ITGAM: variants seen among roughly 807,000 people sequenced by gnomAD.
ITGAM encodes integrin subunit alpha M, also known as integrin alpha-M.
ITGAM carries 79 observed loss-of-function variants against 137.5 expected under a neutral mutation model. The observed-to-expected ratio is 0.57, with a 90% CI of 0.48 to 0.69. ITGAM has a LOEUF of 0.69. Ranked by LOEUF, ITGAM falls within the 30% of genes least tolerant of loss-of-function variation. ITGAM has a pLI of 0.00. For synonymous variants in ITGAM, 583 were observed against 592.3 expected, an observed-to-expected ratio of 0.98 and a Z score of 0.23; for missense variants, 1,343 against 1,483.5, an observed-to-expected ratio of 0.91 and a Z score of 1.56.
In ITGAM at chr16:31,330,153, G is replaced by GC. The variant is rs778541056; in HGVS notation, c.3054dup (p.Val1019ArgfsTer15). 11 of 1,613,362 alleles carry GC rather than the reference G, an allele frequency of 6.8e-6. No individual in the cohort carries two copies. The South Asian group carries it at 1.2e-4, about 18-fold the overall frequency. On this transcript the variant is annotated frameshift_variant, in exon 26 of 30. Coordinates refer to ENST00000544665, the MANE Select transcript of ITGAM (RefSeq NM_000632.4). LOFTEE classifies it high-confidence loss of function. ...CGACTTTCTGGCTGAGCTTCGGAAG[G>GC]CCCCCGTGGTGGTGAGAAGCTAAGT...
chr16:31,293,759 C>T (rs1003054061), intron 12 of ITGAM, among the ~76,000 whole-genome samples: 2 of 152,054 alleles, frequency 1.3e-5, no homozygotes, highest in African/African-American at 4.8e-5. Flanking sequence ...ATAGTTTTTC[C>T]TAGTTCTGTG....
At position 31,329,915 on chromosome 16, in the gene ITGAM, G is replaced by C; in HGVS notation, c.2976+10G>C. 2 of 1,556,214 alleles carry C rather than the reference G, an allele frequency of 1.3e-6. No individual in the cohort carries two copies. Among genetic ancestry groups the C allele is most frequent in the Non-Finnish European group, 1.7e-6 (2 of 1,149,284 alleles). ...GGTCACCTTCTCCGAGGTGAGCGGAGCTCGGCCTGACTCCTGCACGGCCCT... is the reference window on the plus strand; with the variant it reads ...GGTCACCTTCTCCGAGGTGAGCGGACCTCGGCCTGACTCCTGCACGGCCCT... On this transcript the variant is annotated intron_variant, in intron 25 of 29. Coordinates refer to ENST00000544665, the MANE Select transcript of ITGAM (RefSeq NM_000632.4).
chr16:31,330,207 G>A, intron 26 of ITGAM, 43 bp downstream of exon 26: 1 of 1,600,772 alleles, frequency 6.2e-7, no homozygotes, highest in South Asian at 1.1e-5. Flanking sequence ...GAGACCCAGA[G>A]CGCTTCCCTG....
At chr16:31,261,597 A>G in intron 1 of ITGAM, 95 bp from the exon 2 acceptor site, 1 of 715,732 alleles carries the variant, frequency 1.4e-6, no homozygotes, top group Middle Eastern at 2.5e-4. Context: ...GGCTCAAGTG[A>G]TCCTCCTGCC....
chr16:31,320,633 G>A (rs2080439230), intron 14 of ITGAM, among the ~76,000 whole-genome samples: 1 of 152,130 alleles, frequency 6.6e-6, no homozygotes. Context: ...TAATAATTTT[G>A]CTACTTTTTG....
intron 7 of ITGAM, among the ~76,000 whole-genome samples, chr16:31,272,449 A>G (rs1253254978): frequency 2.5e-4 from 3 of 12,020 alleles, no homozygotes; most frequent in African/African-American, 1.1e-3. Context: ...ATATATATAT[A>G]TATATATATA....
At chr16:31,302,396 T>TTTC (rs1331310583) in intron 14 of ITGAM, among the ~76,000 whole-genome samples, 7,166 of 130,818 alleles carry the variant, frequency 0.055, 347 homozygotes, top group African/African-American at 0.066. Context: ...TTCTTTTTTC[T>TTTC]TTTCTTTTCT....
intron 16 of ITGAM, 36 bp downstream of exon 16, chr16:31,321,663 G>A (rs374369263): frequency 1.1e-5 from 18 of 1,600,626 alleles, no homozygotes; most frequent in Admixed American, 5.1e-5. Flanking sequence ...GAGGTTAAAC[G>A]ACCGAGGACA....
At chr16:31,280,951 C>T (rs904570138) in intron 12 of ITGAM, among the ~76,000 whole-genome samples, 3 of 152,088 alleles carry the variant, frequency 2.0e-5, no homozygotes, top group African/African-American at 4.8e-5. Context: ...TTGTTAAAGG[C>T]CTTTTCTGCA....
chr16:31,328,548 CGTGT>C (rs902891973), intron 23 of ITGAM, among the ~76,000 whole-genome samples: 5 of 145,616 alleles, frequency 3.4e-5, no homozygotes, highest in Admixed American at 1.4e-4. Context: ...TGTATTTGTG[CGTGT>C]GTGTGAGGAT....
At chr16:31,262,007 G>T (rs2079705055) in intron 2 of ITGAM, among the ~76,000 whole-genome samples, 1 of 151,838 alleles carries the variant, frequency 6.6e-6, no homozygotes, top group East Asian at 1.9e-4. Flanking sequence ...CCTTCCCCTA[G>T]TTCCCTTCCC....
chr16:31,271,162 C>T, intron 6 of ITGAM, 78 bp downstream of exon 6: 2 of 1,249,500 alleles, frequency 1.6e-6, no homozygotes, highest in African/African-American at 3.1e-5. Flanking sequence ...CCATGTTCTC[C>T]TCCCAGTTCA....
Position 31,325,372 on chromosome 16 carries a change from G to C in ITGAM, c.2473G>C (p.Asp825His). Reference sequence around the variant, plus strand: ...ACAGGTCACCTTCTTCTTCCCGCTTGACCTGTCCTACCGGAAGGTGTCCAC... The same window carrying C: ...ACAGGTCACCTTCTTCTTCCCGCTTCACCTGTCCTACCGGAAGGTGTCCAC... Reference protein sequence around the residue: ...RTQVTFFFPLDLSYRKVSTLQ... With the variant: ...RTQVTFFFPLHLSYRKVSTLQ... Residue 825 changes from aspartate (D) to histidine (H), a missense_variant, in exon 20 of 30, where the codon GAC becomes CAC. Asp to His is a moderately conservative substitution (Grantham distance 81, BLOSUM62 -1). Transcript: ENST00000544665. 6.2e-7 allele frequency: 1 copy of C among 1,613,794 alleles called. No homozygotes were observed. The highest frequency in any genetic ancestry group is 8.5e-7 in the Non-Finnish European group (1 of 1,179,752).
intron 14 of ITGAM, among the ~76,000 whole-genome samples, chr16:31,318,646 AG>A (rs1301752417): frequency 1.3e-5 from 2 of 152,088 alleles, no homozygotes; most frequent in African/African-American, 4.8e-5. Flanking sequence ...ACCTGGCCAA[AG>A]CTTGTCAATT....
intron 11 of ITGAM, 40 bp from the exon 12 acceptor site, chr16:31,277,927 G>A (rs569016495): frequency 2.6e-6 from 4 of 1,552,002 alleles, no homozygotes; most frequent in African/African-American, 2.7e-5. Flanking sequence ...TGGAGGAGGG[G>A]GCAGGGAATG....
intron 12 of ITGAM, among the ~76,000 whole-genome samples, chr16:31,283,333 C>A (rs567340308): frequency 6.6e-6 from 1 of 152,210 alleles, no homozygotes; most frequent in Non-Finnish European, 1.5e-5. Context: ...TGGTTCCATT[C>A]GCCCTGTCAC....
chr16:31,324,711 A>C lies in ITGAM; in HGVS notation c.2218A>C (p.Thr740Pro). The C allele has an allele frequency of 6.2e-7, 1 of 1,601,484 alleles. No homozygotes were observed. The highest frequency in any genetic ancestry group is 8.5e-7 in the Non-Finnish European group (1 of 1,174,546). ...GCGCCTGAACTTCTCTCTGGTGGGA[A>C]CGCCATTGTCTGCTTTCGGGAACCT... ...VLRLNFSLVG[T>P]PLSAFGNLRP... Residue 740 changes from threonine to proline, a missense_variant, in exon 18 of 30, where the codon ACG becomes CCG. Coordinates refer to ENST00000544665, the MANE Select transcript of ITGAM (RefSeq NM_000632.4). This position sits in a 1 kb window ranked among gnomAD's most constrained non-coding sequence, Gnocchi z 4.5.
chr16:31,331,519 G>T (rs1381243114), intron 29 of ITGAM, 117 bp from the exon 30 acceptor site: 3 of 332,192 alleles, frequency 9.0e-6, no homozygotes, highest in African/African-American at 6.7e-5. Context: ...CTCCCCTCCC[G>T]CCCCGCCCTC....
In ITGAM at chr16:31,325,846, G is replaced by A. The variant is rs569687563; in HGVS notation, c.2628+224G>A. 2.2e-4 allele frequency among the ~76,000 whole-genome samples: 34 copies of A among 152,152 alleles called. No homozygotes were observed. The South Asian group carries it at 5.4e-3, about 24-fold the overall frequency. On this transcript the variant is annotated intron_variant, in intron 21 of 29. Transcript: ENST00000544665. Reference sequence around the variant, plus strand: ...TTTAGGAGGTCGAGGCAGGAGGATCGCTTGAGCCCGAGAGTTTGAAACCAG... The same window carrying A: ...TTTAGGAGGTCGAGGCAGGAGGATCACTTGAGCCCGAGAGTTTGAAACCAG...
Sources: gnomAD v4.1 joint callset for allele counts (sites outside exome capture counted in the v4.1 genomes callset) on GRCh38, gnomAD v4.1.1 for gene constraint, Gnocchi (gnomAD v3.1) non-coding constraint, MANE v1.5 for transcripts, NCBI Gene and HGNC (gene_info 2026-07-23, HGNC 2026-07-21) for gene names.